The following MYH2 variants were observed in gnomAD, a reference collection of about 807,000 sequenced individuals.
MYH2 encodes the protein myosin heavy chain 2.
Under a neutral mutation model 228.1 loss-of-function variants are expected in MYH2, and 139 were observed. The observed-to-expected ratio is 0.61, with a 90% CI of 0.53 to 0.70. The LOEUF (loss-of-function observed/expected upper bound fraction) is 0.70, where lower values mean the gene tolerates loss of function less well. Ranked by LOEUF, MYH2 falls within the 30% of genes least tolerant of loss-of-function variation. The pLI, the probability that MYH2 is intolerant of heterozygous loss-of-function variation, is 0.00. For missense variants in MYH2, 1,809 were observed against 2,357.5 expected, an observed-to-expected ratio of 0.77 and a Z score of 4.82; for synonymous variants, 796 against 871.1, an observed-to-expected ratio of 0.91 and a Z score of 1.52.
intron 30 of MYH2, among the ~76,000 whole-genome samples, chr17:10,526,263 G>C (rs188119236): frequency 6.6e-6 from 1 of 152,330 alleles, no homozygotes; most frequent in Non-Finnish European, 1.5e-5. Flanking sequence ...GAGAGCCAAA[G>C]GGAAGTCTGT....
In MYH2 at chr17:10,534,863, A is replaced by G. The variant is rs34681441; in HGVS notation, c.2180+210T>C. ...ACCCAGGAGGCAGAGGTTGCAGTGA[A>G]CTGAGATCACGCCATTGCACTCCAG... On this transcript the variant is annotated intron_variant, in intron 19 of 39. Transcript: ENST00000245503. 0.064 allele frequency among the ~76,000 whole-genome samples: 9,706 copies of G among 152,238 alleles called. 351 individuals carry two copies. The highest frequency in any genetic ancestry group is 0.12 in the South Asian group (591 of 4,822).
chr17:10,530,994 G>A (rs34558178), intron 22 of MYH2, among the ~76,000 whole-genome samples: 8,937 of 152,242 alleles, frequency 0.059, 285 homozygotes, highest in South Asian at 0.12. Context: ...GTTGATGGAA[G>A]CAGTTCTAAA....
chr17:10,542,179 A>G (rs865824346), intron 10 of MYH2, among the ~76,000 whole-genome samples: 72 of 152,222 alleles, frequency 4.7e-4, no homozygotes, highest in African/African-American at 1.7e-3. Flanking sequence ...AGGCTGGGGC[A>G]GGGAGAATCG....
chr17:10,533,181 T>C, intron 21 of MYH2, 104 bp downstream of exon 21: 2 of 1,515,272 alleles, frequency 1.3e-6, no homozygotes, highest in South Asian at 1.1e-5. Flanking sequence ...AGGACTCTTA[T>C]TCATTTCTTC....
intron 2 of MYH2, among the ~76,000 whole-genome samples, chr17:10,548,244 G>A (rs899073542): frequency 1.3e-5 from 2 of 152,160 alleles, no homozygotes; most frequent in African/African-American, 4.8e-5. Context: ...GTGACCTTGG[G>A]TATGTCACTT....
At chr17:10,531,498 G>A (rs557913063) in intron 22 of MYH2, 135 bp downstream of exon 22, 19 of 1,228,788 alleles carry the variant, frequency 1.5e-5, no homozygotes, top group Admixed American at 1.1e-4. Context: ...GGACCTTTTC[G>A]TGCCATTGGA....
chr17:10,525,422 G>A lies in MYH2; in HGVS notation c.4537+29C>T, dbSNP rs770235725. 1 of 1,614,022 alleles carries A rather than the reference G, an allele frequency of 6.2e-7. No individual in the cohort carries two copies. The highest frequency in any genetic ancestry group is 1.7e-5 in the Admixed American group (1 of 60,014). On this transcript the variant is annotated intron_variant, in intron 32 of 39. Coordinates refer to ENST00000245503, the MANE Select transcript of MYH2 (RefSeq NM_017534.6). The surrounding 1 kb of genome is among the most constrained non-coding windows in gnomAD (Gnocchi z 4.2). Reference sequence around the variant, plus strand: ...TAAGGGAGAGATTCTTCCAAGTTATGAATATTATTGAATATGATAGGGACT... The same window carrying A: ...TAAGGGAGAGATTCTTCCAAGTTATAAATATTATTGAATATGATAGGGACT...
Position 10,547,777 on chromosome 17 carries a change from G to T in MYH2, c.144C>A (p.Val48=), listed in dbSNP as rs2142325471. Residue 48 remains valine, a synonymous_variant, in exon 3 of 40, where the codon GTC becomes GTA. Transcript: ENST00000245503. The part of the protein sequence containing the change: ...VFVAEPKESF[V]KGTIQSREGG... ...CTTCTCTGCTCTGGATGGTCCCTTTGACAAAGGATTCTTTGGGCTCCGCCA... is the reference window on the plus strand; with the variant it reads ...CTTCTCTGCTCTGGATGGTCCCTTTTACAAAGGATTCTTTGGGCTCCGCCA... 6.2e-7 allele frequency: 1 copy of T among 1,614,202 alleles called. No homozygotes were observed. Among genetic ancestry groups the T allele is most frequent in the Middle Eastern group, 1.6e-4 (1 of 6,062 alleles).
In MYH2 at chr17:10,543,961, C is replaced by A. The variant is rs749080931; in HGVS notation, c.589G>T (p.Ala197Ser). 6.2e-7 allele frequency: 1 copy of A among 1,614,198 alleles called. No homozygotes were observed. Among genetic ancestry groups the A allele is most frequent in the East Asian group, 2.2e-5 (1 of 44,882 alleles). ...VNTKRVIQYF[A>S]TIAVTGEKKK... is the part of the protein sequence containing the mutation. ...TTCTCACCAGTAACTGCAATTGTTGCAAAGTACTGGATGACACGCTTGGTG... is the reference window on the plus strand; with the variant it reads ...TTCTCACCAGTAACTGCAATTGTTGAAAAGTACTGGATGACACGCTTGGTG... Residue 197 changes from alanine (A) to serine (S), a missense_variant, in exon 7 of 40, where the codon GCA becomes TCA. Coordinates refer to ENST00000245503, the MANE Select transcript of MYH2 (RefSeq NM_017534.6).
Position 10,529,247 on chromosome 17 carries a change from T to C in MYH2, c.3269A>G (p.Glu1090Gly), listed in dbSNP as rs772543096. The C allele has an allele frequency of 1.9e-6, 3 of 1,614,118 alleles. No individual in the cohort carries two copies. Among genetic ancestry groups the C allele is most frequent in the African/African-American group, 1.3e-5 (1 of 74,952 alleles). The change falls in exon 26 of 40, where the codon GAG (glutamate) becomes GGG (glycine). Residue 1090 changes from glutamate (E) to glycine (G), a missense_variant. Around this residue, in one of 9 missense-constraint regions of MYH2, gnomAD observed 636 missense variants for 729.9 expected, o/e 0.87. Coordinates refer to ENST00000245503, the MANE Select transcript of MYH2 (RefSeq NM_017534.6). ...GCTTTGCAGATTGCTGATTTCAAAC[T>C]CTTTCCTTTTAGAAAAGTAGCAAAG... ...QQLDEKLKKK[E>G]FEISNLQSKI...
rs776592054 is a variant in MYH2 at position 10,542,977 on chromosome 17, G to T, written c.806-4C>A. 1 of 1,607,686 alleles carries T rather than the reference G, an allele frequency of 6.2e-7. No homozygotes were observed. Among genetic ancestry groups the T allele is most frequent in the Admixed American group, 1.7e-5 (1 of 59,974 alleles). ...ACTCTAGACTTCTCTAGCAGATCTG[G>T]AAGGAAACAAATAACACATAAGAAA... On this transcript the variant is annotated splice_polypyrimidine_tract_variant and splice_region_variant and intron_variant, in intron 9 of 39. Transcript: ENST00000245503.
At chr17:10,527,160 C>T in intron 28 of MYH2, 104 bp from the exon 29 acceptor site, 1 of 1,012,082 alleles carries the variant, frequency 9.9e-7, no homozygotes. Context: ...ATTGAGTGCT[C>T]AGATGGTTGA....
Position 10,521,236 on chromosome 17 carries a change from C to T in MYH2, c.*44G>A, listed in dbSNP as rs375775105. 20 of 1,606,814 alleles carry T rather than the reference C, an allele frequency of 1.2e-5. No homozygotes were observed. Among genetic ancestry groups the T allele is most frequent in the African/African-American group, 2.7e-5 (2 of 74,752 alleles). ...CAGAGGGAAATGACCAAAGATGTCA[C>T]ATTTTGTGCCTGTCTTCAGTCATTC... is the stretch of plus-strand genomic sequence containing the variant. On this transcript the variant is annotated 3_prime_UTR_variant, in exon 40 of 40. Transcript: ENST00000245503.
rs2073467818 is a variant in MYH2 at position 10,535,100 on chromosome 17, C to A, written c.2153G>T (p.Arg718Ile). ...IRICRKGFPS[R>I]ILYADFKQRY... is the part of the protein sequence containing the mutation. The stretch of plus-strand genomic sequence containing the variant: ...CTGTTTGAAGTCTGCATAAAGGATT[C>A]TGCTTGGAAATCCTTTCCTACAGAT... The change falls in exon 19 of 40, where the codon AGA becomes ATA. Residue 718 changes from arginine to isoleucine, a missense_variant. By Grantham distance (97) the Arg-to-Ile change is moderately conservative (BLOSUM62 -3). Transcript: ENST00000245503. 1.2e-5 allele frequency: 19 copies of A among 1,614,114 alleles called. No homozygotes were observed. The highest frequency in any genetic ancestry group is 1.6e-5 in the Non-Finnish European group (19 of 1,179,984).
In MYH2 at chr17:10,542,864, A is replaced by G. The variant is rs1461629640; in HGVS notation, c.904+11T>C. On this transcript the variant is annotated intron_variant, in intron 10 of 39. Transcript: ENST00000245503. Reference sequence around the variant, plus strand: ...GCAGTAATTCTGGAAAAGAATTATGACATTTCTTACCAATAAGTTCTGGTT... The same window carrying G: ...GCAGTAATTCTGGAAAAGAATTATGGCATTTCTTACCAATAAGTTCTGGTT... The G allele has an allele frequency of 6.5e-7, 1 of 1,544,596 alleles. No homozygotes were observed. The highest frequency in any genetic ancestry group is 2.3e-5 in the East Asian group (1 of 44,302).
intron 2 of MYH2, 73 bp downstream of exon 2, chr17:10,549,302 G>A (rs371096102): frequency 7.9e-5 from 12 of 152,760 alleles, no homozygotes; most frequent in South Asian, 2.1e-4. Flanking sequence ...TTTCTGAAAG[G>A]TTGCTAAGTG....
intron 25 of MYH2, 38 bp from the exon 26 acceptor site, chr17:10,529,290 T>C (rs754965588): frequency 3.1e-6 from 5 of 1,613,956 alleles, no homozygotes; most frequent in Non-Finnish European, 4.2e-6. Flanking sequence ...ATTTAGTCCG[T>C]ATCTAATGTT....
In MYH2 at chr17:10,524,444, A is replaced by C. The variant is rs761957645; in HGVS notation, c.5175+22T>G. ...GGGACATATAAAATTTACTAAGGAG[A>C]GTTCTTTGTGCTGAATCCCACCTGG... On this transcript the variant is annotated intron_variant, in intron 35 of 39. Transcript: ENST00000245503. This position sits in a 1 kb window ranked among gnomAD's most constrained non-coding sequence, Gnocchi z 4.7. The C allele has an allele frequency of 6.2e-7, 1 of 1,614,004 alleles. No individual in the cohort carries two copies. The highest frequency in any genetic ancestry group is 8.5e-7 in the Non-Finnish European group (1 of 1,179,876).
chr17:10,541,845 T>C (rs10048157), intron 10 of MYH2, among the ~76,000 whole-genome samples: 53,947 of 152,114 alleles, frequency 0.35, 10,528 homozygotes, highest in East Asian at 0.8. Context: ...CATTGAATTA[T>C]TGGGGGTGGG....
Sources: gnomAD v4.1 joint callset for allele counts (sites outside exome capture counted in the v4.1 genomes callset) on GRCh38, gnomAD v4.1.1 for gene constraint, gnomAD v4.1.1 regional missense constraint, Gnocchi (gnomAD v3.1) non-coding constraint, MANE v1.5 for transcripts, NCBI Gene and HGNC (gene_info 2026-07-23, HGNC 2026-07-21) for gene names.